The following SVEP1 variants were observed in gnomAD, a reference collection of about 807,000 sequenced individuals.
SVEP1 encodes the protein sushi, von Willebrand factor type A, EGF and pentraxin domain-containing protein 1.
A neutral mutation model predicts 367.3 loss-of-function variants in SVEP1; 164 were observed. The observed-to-expected ratio is 0.45, with a 90% CI of 0.39 to 0.51. The LOEUF (loss-of-function observed/expected upper bound fraction) is 0.51. SVEP1 is among the 20% of genes least tolerant of loss of function. SVEP1 has a pLI of 0.00. For synonymous variants in SVEP1, 1,666 were observed against 1,611.6 expected (o/e 1.03, Z -0.81); for missense variants, 4,117 against 4,425.3 (o/e 0.93, Z 1.98).
intron 11 of SVEP1, among the ~76,000 whole-genome samples, 154 bp from the exon 12 acceptor site, chr9:110,481,590 A>C (rs1430797382): frequency 1.3e-5 from 2 of 152,242 alleles, no homozygotes; most frequent in Non-Finnish European, 2.9e-5. Context: ...GGAGAAGGAC[A>C]ACACATGCTT....
chr9:110,366,703 G>T (rs1054871463), intron 47 of SVEP1, 143 bp from the exon 48 acceptor site: 48 of 698,214 alleles, frequency 6.9e-5, no homozygotes, highest in Middle Eastern at 8.4e-4. Context: ...ACGGATGGGG[G>T]TCATTCTTTG....
At chr9:110,404,766 T>G (rs1373201539) in intron 38 of SVEP1, among the ~76,000 whole-genome samples, 1 of 152,224 alleles carries the variant, frequency 6.6e-6, no homozygotes, top group Non-Finnish European at 1.5e-5. Flanking sequence ...GGCTCATGCC[T>G]GTAATCCCTG....
chr9:110,444,170 T>C (rs1828556119), intron 26 of SVEP1, among the ~76,000 whole-genome samples: 2 of 152,220 alleles, frequency 1.3e-5, no homozygotes, highest in African/African-American at 4.8e-5. Flanking sequence ...AATTAGTCTG[T>C]TTGATGGTTG....
chr9:110,410,978 T>A (rs974387625), intron 37 of SVEP1, 85 bp downstream of exon 37: 20 of 1,272,966 alleles, frequency 1.6e-5, no homozygotes, highest in Non-Finnish European at 2.1e-5. Context: ...TTGGCAGTGT[T>A]TGGACTCAAT....
At chr9:110,466,120 G>C in intron 17 of SVEP1, 94 bp from the exon 18 acceptor site, 2 of 1,283,690 alleles carry the variant, frequency 1.6e-6, no homozygotes, top group Non-Finnish European at 2.1e-6. Context: ...TTTTAGTTTA[G>C]GACAGAAGGA....
At chr9:110,482,312 A>G in intron 11 of SVEP1, 49 bp downstream of exon 11, 4 of 1,586,986 alleles carry the variant, frequency 2.5e-6, no homozygotes, top group Non-Finnish European at 3.4e-6. Flanking sequence ...TATAGCAATG[A>G]CATGTGTCAA....
intron 22 of SVEP1, among the ~76,000 whole-genome samples, chr9:110,453,371 G>A (rs1299358300): frequency 6.6e-6 from 1 of 151,950 alleles, no homozygotes; most frequent in Non-Finnish European, 1.5e-5. Flanking sequence ...GGGTTAACAA[G>A]GGAATTGAGA....
chr9:110,406,305 T>C lies in SVEP1; in HGVS notation c.9295A>G (p.Ser3099Gly), dbSNP rs562504426. 2 of 1,614,068 alleles carry C rather than the reference T, an allele frequency of 1.2e-6. No homozygotes were observed. Among genetic ancestry groups the C allele is most frequent in the East Asian group, 4.5e-5 (2 of 44,896 alleles). ...TTCTCTGTACAAATCAGATCTGAAC[T>C]GCCTTGTATGACATATCCAGACCTG... ...SCRSGYVIQG[S>G]SDLICTEKGV... Residue 3099 changes from serine (S) to glycine (G), a missense_variant, in exon 38 of 48, where the codon AGT becomes GGT. Transcript: ENST00000374469.
intron 3 of SVEP1, among the ~76,000 whole-genome samples, chr9:110,536,963 C>T (rs1458787741): frequency 6.6e-6 from 1 of 151,920 alleles, no homozygotes; most frequent in Admixed American, 6.6e-5. Flanking sequence ...TGGAGGGCAT[C>T]CCAGAAATTG....
chr9:110,497,753 G>C (rs1319065173), intron 7 of SVEP1, among the ~76,000 whole-genome samples: 3 of 152,204 alleles, frequency 2.0e-5, no homozygotes, highest in African/African-American at 4.8e-5. Flanking sequence ...TAGTGCTTAA[G>C]CTTTTGTTAT....
intron 3 of SVEP1, among the ~76,000 whole-genome samples, chr9:110,530,654 A>G (rs1588094872): frequency 6.6e-6 from 1 of 152,078 alleles, no homozygotes; most frequent in Non-Finnish European, 1.5e-5. Flanking sequence ...CTCCTGCCTC[A>G]GCCACCCATT....
At chr9:110,429,529 A>C (rs748975471) in intron 34 of SVEP1, among the ~76,000 whole-genome samples, 195 bp from the exon 35 acceptor site, 1 of 151,792 alleles carries the variant, frequency 6.6e-6, no homozygotes, top group African/African-American at 2.4e-5. Flanking sequence ...ATAGGGAAGT[A>C]GGATAGATTT....
chr9:110,387,483 TATTA>T, intron 41 of SVEP1, 25 bp from the exon 42 acceptor site: 1 of 1,563,618 alleles, frequency 6.4e-7, no homozygotes, highest in East Asian at 2.3e-5. Flanking sequence ...AAAAGCCTCA[TATTA>T]ATTGCTTCCC....
At chr9:110,427,175 G>A (rs1017392524) in intron 36 of SVEP1, among the ~76,000 whole-genome samples, 11 of 151,868 alleles carry the variant, frequency 7.2e-5, no homozygotes, top group Non-Finnish European at 1.6e-4. Context: ...GCAGGCGCCT[G>A]TAGTCCCAGC....
At chr9:110,389,978 T>TATATGAATCATAGTG (rs1554710662) in intron 40 of SVEP1, among the ~76,000 whole-genome samples, 2 of 147,012 alleles carry the variant, frequency 1.4e-5, no homozygotes, top group Non-Finnish European at 3.0e-5. Flanking sequence ...AGAGTACTAT[T>TATATGAATCATAGTG]TGGCCATAAA....
At chr9:110,389,977 T>C (rs1304024592) in intron 40 of SVEP1, among the ~76,000 whole-genome samples, 3 of 147,214 alleles carry the variant, frequency 2.0e-5, no homozygotes, top group Non-Finnish European at 1.5e-5. Flanking sequence ...TAGAGTACTA[T>C]TTGGCCATAA....
intron 24 of SVEP1, 88 bp from the exon 25 acceptor site, chr9:110,447,145 T>C (rs1828614416): frequency 2.5e-6 from 3 of 1,216,078 alleles, no homozygotes; most frequent in Non-Finnish European, 3.2e-6. Context: ...ACTTTGAAAA[T>C]TGAAATGCTG....
chr9:110,539,342 C>T (rs1830116223), intron 3 of SVEP1, among the ~76,000 whole-genome samples: 1 of 152,180 alleles, frequency 6.6e-6, no homozygotes, highest in South Asian at 2.1e-4. Flanking sequence ...GCTTTCAGCT[C>T]AAAGAATAAA....
At chr9:110,514,920 T>C (rs1203671296) in intron 3 of SVEP1, among the ~76,000 whole-genome samples, 1 of 152,114 alleles carries the variant, frequency 6.6e-6, no homozygotes, top group African/African-American at 2.4e-5. Context: ...TTCACAGATC[T>C]TGAGAAAGGA....
Sources: allele counts gnomAD v4.1 joint callset (sites outside exome capture counted in the v4.1 genomes callset), GRCh38; gene constraint gnomAD v4.1.1; transcripts MANE v1.5; gene names NCBI Gene and HGNC (gene_info 2026-07-23, HGNC 2026-07-21).